Variants in ERC2 observed in about 807,000 individuals in gnomAD.
ERC2 encodes ELKS/RAB6-interacting/CAST family member 2.
ERC2 carries 42 observed loss-of-function variants against 114.8 expected under a neutral mutation model. The observed-to-expected ratio is 0.37, with a 90% CI of 0.29 to 0.47. The LOEUF is 0.47. Ranked by LOEUF, ERC2 falls within the 20% of genes least tolerant of loss-of-function variation. ERC2 has a pLI of 0.99. For missense variants in ERC2, 939 were observed against 1,150.7 expected, an observed-to-expected ratio of 0.82 and a Z score of 2.66; for synonymous variants, 454 against 425.5, an observed-to-expected ratio of 1.07 and a Z score of -0.82.
At chr3:56,302,432 A>G (rs1168784666) in intron 2 of ERC2, among the ~76,000 whole-genome samples, 1 of 152,168 alleles carries the variant, frequency 6.6e-6, no homozygotes, top group Non-Finnish European at 1.5e-5. Flanking sequence ...TTTATTTAAG[A>G]CTTCTTTTCT....
chr3:56,390,900 T>C (rs1288484103), intron 2 of ERC2, among the ~76,000 whole-genome samples: 2 of 152,188 alleles, frequency 1.3e-5, no homozygotes, highest in Non-Finnish European at 2.9e-5. Flanking sequence ...GGGTGGACTG[T>C]GACAGCCTAA....
chr3:55,742,625 C>T (rs374246419), intron 14 of ERC2, among the ~76,000 whole-genome samples: 14 of 152,272 alleles, frequency 9.2e-5, no homozygotes, highest in African/African-American at 3.1e-4. Flanking sequence ...AAAAAGTCCG[C>T]TCAATCAACT....
chr3:55,667,801 A>C lies in ERC2; in HGVS notation c.*39+15993T>G, dbSNP rs910366198. Among the ~76,000 whole-genome samples the C allele has an allele frequency of 2.6e-4, 39 of 152,344 alleles. 1 individual carries two copies. Among genetic ancestry groups the C allele is most frequent in the African/African-American group, 9.4e-4 (39 of 41,588 alleles). Reference sequence around the variant, plus strand: ...TAGAGAGTTTACGAAAGTTGCCTCCAAGTTGCAGAACTAGTGAGTGATGGA... The same window carrying C: ...TAGAGAGTTTACGAAAGTTGCCTCCCAGTTGCAGAACTAGTGAGTGATGGA... On this transcript the variant is annotated intron_variant, in intron 17 of 17. Transcript: ENST00000288221.
intron 14 of ERC2, among the ~76,000 whole-genome samples, chr3:55,836,220 C>T (rs1010588362): frequency 2.6e-5 from 4 of 152,136 alleles, no homozygotes; most frequent in Non-Finnish European, 5.9e-5. Flanking sequence ...ATCAAGTTAA[C>T]AATGACTTTC....
intron 5 of ERC2, among the ~76,000 whole-genome samples, chr3:56,144,655 C>G (rs569974442): frequency 1.3e-5 from 2 of 152,282 alleles, no homozygotes; most frequent in African/African-American, 4.8e-5. Context: ...AAGGGCATGG[C>G]AGGGTCTACA....
intron 17 of ERC2, among the ~76,000 whole-genome samples, chr3:55,651,957 T>C (rs1003377561): frequency 6.6e-6 from 1 of 152,256 alleles, no homozygotes; most frequent in African/African-American, 2.4e-5. Context: ...CTCCAAAGCC[T>C]GCTTGGTCAG....
intron 3 of ERC2, among the ~76,000 whole-genome samples, chr3:56,185,807 G>C (rs2083561642): frequency 6.6e-6 from 1 of 152,084 alleles, no homozygotes; most frequent in Non-Finnish European, 1.5e-5. Flanking sequence ...GGATAATCTG[G>C]GTGAGTGCAA....
At chr3:55,939,128 A>G (rs1422582486) in intron 13 of ERC2, among the ~76,000 whole-genome samples, 1 of 152,262 alleles carries the variant, frequency 6.6e-6, no homozygotes, top group Admixed American at 6.5e-5. Context: ...TTAAAAGTAC[A>G]TTAGAATTAG....
intron 3 of ERC2, among the ~76,000 whole-genome samples, chr3:56,215,159 A>G (rs1013081282): frequency 3.3e-5 from 5 of 152,216 alleles, no homozygotes; most frequent in African/African-American, 1.2e-4. Flanking sequence ...CCTTAAAGGT[A>G]AATTGGCTAA....
At chr3:56,040,763 T>C (rs979664401) in intron 7 of ERC2, among the ~76,000 whole-genome samples, 1 of 124,134 alleles carries the variant, frequency 8.1e-6, no homozygotes, top group Non-Finnish European at 1.7e-5. Context: ...TATAGATACA[T>C]AGATCTCTAT....
intron 5 of ERC2, among the ~76,000 whole-genome samples, chr3:56,148,242 A>G (rs2081244905): frequency 6.6e-6 from 1 of 152,214 alleles, no homozygotes; most frequent in Non-Finnish European, 1.5e-5. Context: ...ATTGGGACTC[A>G]AAACTATTTA....
chr3:55,541,541 G>T (rs1411530699), intron 17 of ERC2, among the ~76,000 whole-genome samples: 2 of 152,164 alleles, frequency 1.3e-5, no homozygotes, highest in East Asian at 3.9e-4. Context: ...TCCCATTCTT[G>T]GCTCTTATCT....
chr3:55,923,899 GCCA>G (rs1250311337), intron 13 of ERC2, among the ~76,000 whole-genome samples: 1 of 152,110 alleles, frequency 6.6e-6, no homozygotes, highest in African/African-American at 2.4e-5. Context: ...GGTTAAGGCA[GCCA>G]CCAATTAATC....
chr3:56,271,267 T>C (rs2053637800), intron 3 of ERC2, among the ~76,000 whole-genome samples: 1 of 152,156 alleles, frequency 6.6e-6, no homozygotes, highest in Non-Finnish European at 1.5e-5. Flanking sequence ...GGGAAACCCC[T>C]CACTCTCAAG....
Position 55,884,310 on chromosome 3 carries a change from G to C in ERC2, c.2564+4079C>G, listed in dbSNP as rs116244784. On this transcript the variant is annotated intron_variant, in intron 14 of 17. Coordinates refer to ENST00000288221, the MANE Select transcript of ERC2 (RefSeq NM_015576.3). ...GTTGTTCACGTTCACAGAAGAAGAG[G>C]CACTTGCAAAATAGGCAAGTACAGT... Among the ~76,000 whole-genome samples the C allele has an allele frequency of 2.1e-3, 324 of 152,216 alleles. 1 individual carries two copies. The highest frequency in any genetic ancestry group is 3.0e-3 in the Non-Finnish European group (204 of 67,992).
intron 2 of ERC2, among the ~76,000 whole-genome samples, chr3:56,366,261 C>G (rs760995011): frequency 7.2e-5 from 11 of 152,218 alleles, no homozygotes; most frequent in African/African-American, 1.7e-4. Context: ...CTTTCCCATT[C>G]CACTGCCTGC....
intron 3 of ERC2, among the ~76,000 whole-genome samples, chr3:56,192,568 G>C (rs959998336): frequency 1.4e-5 from 2 of 143,584 alleles, no homozygotes; most frequent in South Asian, 4.5e-4. Context: ...TTTTACTTAA[G>C]TCACAGGGTT....
At position 56,393,441 on chromosome 3, in the gene ERC2, C is replaced by T. The variant is rs1476680942; in HGVS notation, c.657+40910G>A. Among the ~76,000 whole-genome samples the T allele has an allele frequency of 2.6e-5, 4 of 152,136 alleles. No individual in the cohort carries two copies. In the East Asian group the frequency reaches 7.7e-4, roughly 29 times the overall value. On this transcript the variant is annotated intron_variant, in intron 2 of 17. Coordinates refer to ENST00000288221, the MANE Select transcript of ERC2 (RefSeq NM_015576.3). Reference sequence around the variant, plus strand: ...AATGTCATTACCTTAGGGAAGCCTTCACTGTATCCTACACAGGTAAGGTTC... The same window carrying T: ...AATGTCATTACCTTAGGGAAGCCTTTACTGTATCCTACACAGGTAAGGTTC...
intron 2 of ERC2, among the ~76,000 whole-genome samples, chr3:56,422,834 T>A (rs973924018): frequency 1.3e-5 from 2 of 152,192 alleles, no homozygotes; most frequent in African/African-American, 4.8e-5. Flanking sequence ...AGAGATGCCA[T>A]GTGTCTTGCA....
Sources: gnomAD v4.1 joint callset for allele counts (sites outside exome capture counted in the v4.1 genomes callset) on GRCh38, gnomAD v4.1.1 for gene constraint, MANE v1.5 for transcripts, NCBI Gene and HGNC (gene_info 2026-07-23, HGNC 2026-07-21) for gene names.